UCHL3: variants seen among roughly 807,000 people sequenced by gnomAD.
UCHL3 encodes the protein ubiquitin carboxyl-terminal hydrolase isozyme L3.
UCHL3 carries 22 observed loss-of-function variants against 35.8 expected under a neutral mutation model. The observed-to-expected ratio is 0.61, with a 90% confidence interval of 0.44 to 0.88. The LOEUF (loss-of-function observed/expected upper bound fraction) is 0.88, where lower values mean the gene tolerates loss of function less well. Among genes scored for constraint, UCHL3 ranks in the 40% least tolerant of loss-of-function variants. The pLI is 0.00. For synonymous variants in UCHL3, 90 were observed against 92.8 expected (o/e 0.97, Z 0.17); for missense variants, 229 against 276.9 (o/e 0.83, Z 1.23).
chr13:75,559,771 A>T (rs1017611893), intron 2 of UCHL3, among the ~76,000 whole-genome samples: 2 of 152,206 alleles, frequency 1.3e-5, no homozygotes, highest in African/African-American at 2.4e-5. Flanking sequence ...TTGAGGTAAG[A>T]TATAGTGATG....
At chr13:75,573,508 G>T (rs1377912944) in intron 6 of UCHL3, among the ~76,000 whole-genome samples, 1 of 152,184 alleles carries the variant, frequency 6.6e-6, no homozygotes, top group Non-Finnish European at 1.5e-5. Context: ...CAACAGCAAA[G>T]TGTCAGCAGG....
chr13:75,563,920 C>CTGTGTG (rs58677064), intron 3 of UCHL3, among the ~76,000 whole-genome samples: 80,940 of 149,272 alleles, frequency 0.54, 23,426 homozygotes, highest in Non-Finnish European at 0.65. Context: ...AATAATATTT[C>CTGTGTG]TGTGTGTGTG....
At position 75,605,798 on chromosome 13, in the gene UCHL3, C is replaced by G. The variant is rs751552546; in HGVS notation, c.679C>G (p.Leu227Val). ...PDELRFNAIA[L>V]SAA is the part of the protein sequence containing the mutation. ...TGAACTAAGATTTAATGCGATTGCT[C>G]TTTCTGCAGCATAGCTTGTCAATAA... The change falls in exon 9 of 9, where the codon CTT (leucine) becomes GTT (valine). Residue 227 changes from leucine (L) to valine (V), a missense_variant. Leu to Val is a conservative substitution (Grantham distance 32). Transcript: ENST00000377595. The G allele has an allele frequency of 1.9e-6, 3 of 1,613,878 alleles. No homozygotes were observed. The highest frequency in any genetic ancestry group is 1.7e-5 in the Admixed American group (1 of 59,996).
chr13:75,567,489 A>T (rs975201558), intron 5 of UCHL3, among the ~76,000 whole-genome samples, 177 bp downstream of exon 5: 2 of 152,178 alleles, frequency 1.3e-5, no homozygotes, highest in Non-Finnish European at 2.9e-5. Context: ...AATGCTGATA[A>T]GTTGCCATTT....
At chr13:75,552,259 C>T (rs2031138712) in intron 2 of UCHL3, among the ~76,000 whole-genome samples, 1 of 152,044 alleles carries the variant, frequency 6.6e-6, no homozygotes, top group Admixed American at 6.6e-5. Flanking sequence ...GTGGCAGAAC[C>T]AAGAATAGAA....
At chr13:75,579,143 T>G (rs184638337) in intron 6 of UCHL3, among the ~76,000 whole-genome samples, 38 of 152,244 alleles carry the variant, frequency 2.5e-4, no homozygotes, top group African/African-American at 8.9e-4. Flanking sequence ...ATTTCCCTCC[T>G]TTTGGAATTT....
chr13:75,554,453 C>G (rs1445851333), intron 2 of UCHL3, among the ~76,000 whole-genome samples: 2 of 152,184 alleles, frequency 1.3e-5, no homozygotes, highest in African/African-American at 4.8e-5. Context: ...TTTCTCATTC[C>G]TCAGATCTAA....
intron 6 of UCHL3, among the ~76,000 whole-genome samples, chr13:75,592,450 AT>A (rs2032527212): frequency 8.4e-6 from 1 of 119,012 alleles, no homozygotes. Context: ...ATATATATAT[AT>A]ATATATATAT....
At chr13:75,587,511 T>C (rs529015937) in intron 6 of UCHL3, among the ~76,000 whole-genome samples, 1 of 152,216 alleles carries the variant, frequency 6.6e-6, no homozygotes, top group East Asian at 1.9e-4. Flanking sequence ...TAGGAAATAC[T>C]GAAGAATTTA....
intron 6 of UCHL3, 51 bp from the exon 7 acceptor site, chr13:75,594,864 A>AT: frequency 7.4e-7 from 1 of 1,358,412 alleles, no homozygotes. Flanking sequence ...TACATGACTG[A>AT]TTTGTTTGAC....
chr13:75,554,977 A>G (rs1296509505), intron 2 of UCHL3, among the ~76,000 whole-genome samples: 1 of 152,184 alleles, frequency 6.6e-6, no homozygotes, highest in Non-Finnish European at 1.5e-5. Context: ...TAGCTCTCAC[A>G]AGTGAGAACA....
At chr13:75,564,017 A>G (rs1309479176) in intron 3 of UCHL3, among the ~76,000 whole-genome samples, 2 of 152,126 alleles carry the variant, frequency 1.3e-5, no homozygotes, top group Admixed American at 6.6e-5. Flanking sequence ...GAGATCAGAT[A>G]GGATTGGGTA....
chr13:75,550,425 A>C (rs1266564096), intron 2 of UCHL3, among the ~76,000 whole-genome samples: 1 of 152,180 alleles, frequency 6.6e-6, no homozygotes, highest in Non-Finnish European at 1.5e-5. Flanking sequence ...CACCGCCTGC[A>C]CTATGAAATC....
intron 6 of UCHL3, among the ~76,000 whole-genome samples, chr13:75,592,735 A>G (rs2032546005): frequency 6.6e-6 from 1 of 151,722 alleles, no homozygotes; most frequent in South Asian, 2.1e-4. Flanking sequence ...CTTTTATAAT[A>G]GTTTGAAGGC....
intron 3 of UCHL3, among the ~76,000 whole-genome samples, chr13:75,561,806 TACATACGTATAC>T (rs2031511332): frequency 3.1e-5 from 1 of 32,226 alleles, no homozygotes; most frequent in African/African-American, 5.7e-5. Context: ...TGTATACGTA[TACATACGTATAC>T]GTATATACGT....
intron 6 of UCHL3, among the ~76,000 whole-genome samples, chr13:75,574,135 G>A (rs993519214): frequency 2.0e-5 from 3 of 151,822 alleles, no homozygotes; most frequent in East Asian, 1.9e-4. Flanking sequence ...GGAGAATGGC[G>A]TGAACCTGGG....
chr13:75,578,177 TG>T (rs2032080811), intron 6 of UCHL3, among the ~76,000 whole-genome samples: 1 of 152,142 alleles, frequency 6.6e-6, no homozygotes, highest in Non-Finnish European at 1.5e-5. Context: ...ACATTTTTTT[TG>T]TTTCATCAAA....
intron 7 of UCHL3, among the ~76,000 whole-genome samples, chr13:75,597,922 C>T (rs560513701): frequency 2.6e-4 from 40 of 152,172 alleles, no homozygotes; most frequent in African/African-American, 8.9e-4. Context: ...TTTGTTATCA[C>T]CCTCCCTTTT....
intron 3 of UCHL3, among the ~76,000 whole-genome samples, chr13:75,562,095 A>T (rs904804170): frequency 1.3e-5 from 2 of 152,130 alleles, no homozygotes; most frequent in African/African-American, 4.8e-5. Context: ...TGCTCAGGTC[A>T]TCCTATTCTT....
Sources: gnomAD v4.1 joint callset for allele counts (sites outside exome capture counted in the v4.1 genomes callset) on GRCh38, gnomAD v4.1.1 for gene constraint, MANE v1.5 for transcripts, NCBI Gene and HGNC (gene_info 2026-07-23, HGNC 2026-07-21) for gene names.